The following MAGEL2 variants were observed in gnomAD, a reference collection of about 807,000 sequenced individuals.
MAGEL2 encodes the protein MAGE family member L2.
For synonymous variants in MAGEL2, 792 were observed against 721.7 expected, an observed-to-expected ratio of 1.10 and a Z score of -1.56; for missense variants, 1,830 against 1,699.2, an observed-to-expected ratio of 1.08 and a Z score of -1.35.
rs748383107 is a variant in MAGEL2 at position 23,647,118 on chromosome 15, T to G, written c.625A>C (p.Met209Leu). 4.6e-6 allele frequency: 7 copies of G among 1,530,086 alleles called. No individual in the cohort carries two copies. In the African/African-American group the frequency reaches 9.6e-5, roughly 21 times the overall value. 94.8% of individuals were successfully genotyped at this position (1,530,086 alleles called of 1,614,324 possible). The change falls in exon 1 of 1, where the codon ATG becomes CTG. Residue 209 changes from methionine to leucine, a missense_variant. Coordinates refer to ENST00000650528, the MANE Select transcript of MAGEL2 (RefSeq NM_019066.5). ...GTCCCCGGAGGTGGAGGATGAGCCA[T>G]CGGTGTCCCCGGAGGGGGAGGATGA... ...MAHPPPPGTP[M>L]AHPPPPGTPM... is the part of the protein sequence containing the mutation.
chr15:23,644,349 T>A lies in MAGEL2; in HGVS notation c.3394A>T (p.Ile1132Phe), dbSNP rs1316225981. 3 of 1,613,806 alleles carry A rather than the reference T, an allele frequency of 1.9e-6. No individual in the cohort carries two copies. In the East Asian group the frequency reaches 6.7e-5, roughly 36 times the overall value. ...MKGNCVREDL[I>F]FNFLFKLGLD... Reference sequence around the variant, plus strand: ...CCTAACTTGAACAGAAAATTAAAGATCAGATCCTCCCTGACACAGTTGCCT... The same window carrying A: ...CCTAACTTGAACAGAAAATTAAAGAACAGATCCTCCCTGACACAGTTGCCT... Residue 1132 changes from isoleucine to phenylalanine, a missense_variant, in exon 1 of 1, where the codon ATC becomes TTC. By Grantham distance (21) the Ile-to-Phe change is conservative. Coordinates refer to ENST00000650528, the MANE Select transcript of MAGEL2 (RefSeq NM_019066.5).
In MAGEL2 at chr15:23,647,619, C is replaced by G; in HGVS notation, c.124G>C (p.Val42Leu). The change falls in exon 1 of 1, where the codon GTC (valine) becomes CTC (leucine). Residue 42 changes from valine to leucine, a missense_variant. By Grantham distance (32) the Val-to-Leu change is conservative (BLOSUM62 1). Transcript: ENST00000650528. Reference sequence around the variant, plus strand: ...TCAATTGGAGGTGGATCCCAAGGGACTGGCGGAGCCCGGGAGGAAGCGGGC... The same window carrying G: ...TCAATTGGAGGTGGATCCCAAGGGAGTGGCGGAGCCCGGGAGGAAGCGGGC... ...APPASSRAPP[V>L]PWDPPPIDLQ... 1 of 1,536,944 alleles carries G rather than the reference C, an allele frequency of 6.5e-7. No individual in the cohort carries two copies. Among genetic ancestry groups the G allele is most frequent in the Non-Finnish European group, 8.7e-7 (1 of 1,146,852 alleles).
At position 23,646,009 on chromosome 15, in the gene MAGEL2, C is replaced by T. The variant is rs757134396; in HGVS notation, c.1734G>A (p.Gln578=). 14 of 1,550,776 alleles carry T rather than the reference C, an allele frequency of 9.0e-6. No individual in the cohort carries two copies. Among genetic ancestry groups the T allele is most frequent in the Non-Finnish European group, 1.2e-5 (14 of 1,147,464 alleles). ...APLSAPLSAP[Q]AVHCPSIIWQ... ...AGATGATGGAAGGGCAGTGCACAGC[C>T]TGCGGGGCAGACAGTGGGGCAGACA... The change falls in exon 1 of 1, where the codon CAG becomes CAA. Residue 578 remains glutamine (Q), a synonymous_variant. Transcript: ENST00000650528. The surrounding 1 kb of genome is among the most constrained non-coding windows in gnomAD (Gnocchi z 4.2).
Position 23,647,593 on chromosome 15 carries a change from G to A in MAGEL2, c.150C>T (p.Asp50=), listed in dbSNP as rs1446436785. ...PPVPWDPPPI[D]LQASLAAWQA... is the part of the protein sequence containing the mutation. ...GCCAAGCGGCCAATGAAGCCTGCAA[G>A]TCAATTGGAGGTGGATCCCAAGGGA... The change falls in exon 1 of 1, where the codon GAC becomes GAT. Residue 50 remains aspartate (D), a synonymous_variant. Coordinates refer to ENST00000650528, the MANE Select transcript of MAGEL2 (RefSeq NM_019066.5). 1.3e-6 allele frequency: 2 copies of A among 1,536,698 alleles called. No individual in the cohort carries two copies. The highest frequency in any genetic ancestry group is 1.7e-6 in the Non-Finnish European group (2 of 1,146,842).
In MAGEL2 at chr15:23,647,273, G is replaced by T. The variant is rs1432254645; in HGVS notation, c.470C>A (p.Thr157Asn). ...TPMSHPPPPG[T>N]PMAHPPPPGT... ...CGGAGGAGGAGGATGGGCCATTGGG[G>T]TCCCCGGAGGGGGAGGGTGGGACAT... The change falls in exon 1 of 1, where the codon ACC becomes AAC. Residue 157 changes from threonine (T) to asparagine (N), a missense_variant. Coordinates refer to ENST00000650528, the MANE Select transcript of MAGEL2 (RefSeq NM_019066.5). 1.3e-6 allele frequency: 2 copies of T among 1,534,004 alleles called. No individual in the cohort carries two copies. Among genetic ancestry groups the T allele is most frequent in the Middle Eastern group, 3.4e-4 (2 of 5,856 alleles).
chr15:23,646,271 G>A lies in MAGEL2; in HGVS notation c.1472C>T (p.Pro491Leu), dbSNP rs747533576. ...GGGCGGCGGCGCCTGGCGGATCAGCGGCGGGGCCTGGCGGATCACAGGTGG... is the reference window on the plus strand; with the variant it reads ...GGGCGGCGGCGCCTGGCGGATCAGCAGCGGGGCCTGGCGGATCACAGGTGG... ...QAPPVIRQAP[P>L]LIRQAPPPIR... Residue 491 changes from proline to leucine, a missense_variant, in exon 1 of 1, where the codon CCG (proline) becomes CTG (leucine). By Grantham distance (98) the Pro-to-Leu change is moderately conservative. Transcript: ENST00000650528. This position sits in a 1 kb window ranked among gnomAD's most constrained non-coding sequence, Gnocchi z 4.2. The A allele has an allele frequency of 5.1e-6, 7 of 1,364,462 alleles. No homozygotes were observed. The highest frequency in any genetic ancestry group is 6.1e-5 in the East Asian group (2 of 32,960). The allele number at this position is 1,364,462 out of a possible 1,614,324, so 84.5% of individuals were successfully genotyped here. A position where few individuals can be genotyped will look rare whatever the true frequency, so the allele number is the denominator to read the frequency against.
rs1038272246 is a variant in MAGEL2 at position 23,647,461 on chromosome 15, C to A, written c.282G>T (p.Pro94=). ...ALGGPIVPAP[P]LGGPMGKPPT... ...GAGGCTTACCCATCGGGCCCCCCAG[C>A]GGGGGAGCCGGGACTATCGGGCCCC... Residue 94 remains proline, a synonymous_variant, in exon 1 of 1, where the codon CCG becomes CCT. Coordinates refer to ENST00000650528, the MANE Select transcript of MAGEL2 (RefSeq NM_019066.5). 1 of 1,533,922 alleles carries A rather than the reference C, an allele frequency of 6.5e-7. No individual in the cohort carries two copies. The highest frequency in any genetic ancestry group is 1.2e-5 in the South Asian group (1 of 83,764).
Position 23,645,444 on chromosome 15 carries a change from C to G in MAGEL2, c.2299G>C (p.Ala767Pro). 1 of 1,613,944 alleles carries G rather than the reference C, an allele frequency of 6.2e-7. No individual in the cohort carries two copies. Among genetic ancestry groups the G allele is most frequent in the Non-Finnish European group, 8.5e-7 (1 of 1,179,882 alleles). Residue 767 changes from alanine to proline, a missense_variant, in exon 1 of 1, where the codon GCA becomes CCA. Coordinates refer to ENST00000650528, the MANE Select transcript of MAGEL2 (RefSeq NM_019066.5). Reference sequence around the variant, plus strand: ...TTTTTCCAGGCAGCTGGCAGGTGTGCTCGCGCAGCTGACACTGCCTTGGGA... The same window carrying G: ...TTTTTCCAGGCAGCTGGCAGGTGTGGTCGCGCAGCTGACACTGCCTTGGGA... ...CAPKAVSAAR[A>P]HLPAAWKNLP...
At position 23,647,819 on chromosome 15, in the gene MAGEL2, T is replaced by C. The variant is rs1192541688; in HGVS notation, c.-77A>G. 2.2e-6 allele frequency: 3 copies of C among 1,382,088 alleles called. No homozygotes were observed. The allele number at this position is 1,382,088 out of a possible 1,614,324, so 85.6% of individuals were successfully genotyped here. On this transcript the variant is annotated 5_prime_UTR_variant, in exon 1 of 1. Transcript: ENST00000650528. ...TTTCCTCCAGAGAGAAGAGAATGCC[T>C]ACGTGGCTGTTCAGAGGCTCCCTCC...
Position 23,644,978 on chromosome 15 carries a change from C to A in MAGEL2, c.2765G>T (p.Trp922Leu). The change falls in exon 1 of 1, where the codon TGG (tryptophan) becomes TTG (leucine). Residue 922 changes from tryptophan (W) to leucine (L), a missense_variant. Physicochemically the swap from Trp to Leu is moderately conservative, Grantham distance 61 (BLOSUM62 -2). Transcript: ENST00000650528. ...GACCTGGATAGGGCTTTGGACCTCC[C>A]AGTCACTCAGATTTAGATTCTCCCA... ...RPWENLNLSD[W>L]EVQSPIQVSG... is the part of the protein sequence containing the mutation. 1 of 1,613,890 alleles carries A rather than the reference C, an allele frequency of 6.2e-7. No homozygotes were observed. The highest frequency in any genetic ancestry group is 8.5e-7 in the Non-Finnish European group (1 of 1,179,896).
Position 23,644,592 on chromosome 15 carries a change from G to T in MAGEL2, c.3151C>A (p.Leu1051Ile), listed in dbSNP as rs2233070. 0.024 allele frequency: 38,563 copies of T among 1,613,880 alleles called. 761 individuals are homozygous for T. The highest frequency in any genetic ancestry group is 0.063 in the African/African-American group (4,754 of 75,000). The change falls in exon 1 of 1, where the codon CTC becomes ATC. Residue 1051 changes from leucine to isoleucine, a missense_variant. Physicochemically the swap from Leu to Ile is conservative, Grantham distance 5. Coordinates refer to ENST00000650528, the MANE Select transcript of MAGEL2 (RefSeq NM_019066.5). ...AAGCACTCATCTTTATACTCTCGGA[G>T]GATGACTTTCACCATCTCCGAGCGC... ...VQRSEMVKVI[L>I]REYKDECLDI...
chr15:23,646,452 G>GGAT lies in MAGEL2; in HGVS notation c.1290_1291insATC (p.Val430_Arg431insIle). The GGAT allele has an allele frequency of 3.5e-6, 5 of 1,425,338 alleles. No homozygotes were observed. The highest frequency in any genetic ancestry group is 4.6e-6 in the Non-Finnish European group (5 of 1,098,114). The allele number at this position is 1,425,338 out of a possible 1,614,324, so 88.3% of individuals were successfully genotyped here. On this transcript the variant is annotated inframe_insertion, in exon 1 of 1. Transcript: ENST00000650528. This position sits in a 1 kb window ranked among gnomAD's most constrained non-coding sequence, Gnocchi z 4.2. ...TGGCGGATCAGCGGTGGGGCCTGTC[G>GGAT]CACCGGTGGTGGGCCAGGGCGGATG...
Position 23,647,662 on chromosome 15 carries a change from C to T in MAGEL2, c.81G>A (p.Thr27=), listed in dbSNP as rs1055791590. 18 of 1,531,308 alleles carry T rather than the reference C, an allele frequency of 1.2e-5. No homozygotes were observed. Among genetic ancestry groups the T allele is most frequent in the South Asian group, 3.6e-5 (3 of 83,174 alleles). 94.9% of individuals were successfully genotyped at this position (1,531,308 alleles called of 1,614,324 possible). ...AAGCGGGCGGGGCCCGCATCAGAAC[C>T]GTAGGGCGGCTATAGACAGGCGGCT... is the stretch of plus-strand genomic sequence containing the variant. The part of the protein sequence containing the change: ...APKPPVYSRP[T]VLMRAPPASS... The change falls in exon 1 of 1, where the codon ACG becomes ACA. Residue 27 remains threonine, a synonymous_variant. Transcript: ENST00000650528.
In MAGEL2 at chr15:23,645,976, G is replaced by A. The variant is rs1890392381; in HGVS notation, c.1767C>T (p.Ala589=). ...GTGGCACCGGGGGCTGACCTTTGGG[G>A]GCCTGCCAGATGATGGAAGGGCAGT... ...AVHCPSIIWQ[A]PKGQPPVPHE... The change falls in exon 1 of 1, where the codon GCC becomes GCT. Residue 589 remains alanine (A), a synonymous_variant. Coordinates refer to ENST00000650528, the MANE Select transcript of MAGEL2 (RefSeq NM_019066.5). The A allele has an allele frequency of 1.3e-6, 2 of 1,560,206 alleles. No individual in the cohort carries two copies. Among genetic ancestry groups the A allele is most frequent in the East Asian group, 2.4e-5 (1 of 41,882 alleles).
At position 23,646,812 on chromosome 15, in the gene MAGEL2, G is replaced by C; in HGVS notation, c.931C>G (p.Pro311Ala). The change falls in exon 1 of 1, where the codon CCG becomes GCG. Residue 311 changes from proline to alanine, a missense_variant. Transcript: ENST00000650528. This position sits in a 1 kb window ranked among gnomAD's most constrained non-coding sequence, Gnocchi z 4.2. ...ATCGGCTGTGCAGGTGGGGCCGCCG[G>C]CTGTGCCATCGGTGCTCCTGAAGCT... ...PPASGAPMAQ[P>A]AAPPAQPMAP... 1 of 1,536,172 alleles carries C rather than the reference G, an allele frequency of 6.5e-7. No individual in the cohort carries two copies. Among genetic ancestry groups the C allele is most frequent in the Non-Finnish European group, 8.7e-7 (1 of 1,146,850 alleles).
Position 23,645,004 on chromosome 15 carries a change from G to T in MAGEL2, c.2739C>A (p.Pro913=). 1 of 1,613,882 alleles carries T rather than the reference G, an allele frequency of 6.2e-7. No individual in the cohort carries two copies. Among genetic ancestry groups the T allele is most frequent in the Non-Finnish European group, 8.5e-7 (1 of 1,179,882 alleles). Residue 913 remains proline (P), a synonymous_variant, in exon 1 of 1, where the codon CCC becomes CCA. Coordinates refer to ENST00000650528, the MANE Select transcript of MAGEL2 (RefSeq NM_019066.5). ...AGTCACTCAGATTTAGATTCTCCCA[G>T]GGCCTTGGGCCCTGCCAGTCATGAA... ...LAFHDWQGPR[P]WENLNLSDWE... is the part of the protein sequence containing the mutation.
chr15:23,647,099 G>C lies in MAGEL2; in HGVS notation c.644C>G (p.Pro215Arg). The C allele has an allele frequency of 6.5e-7, 1 of 1,532,946 alleles. No individual in the cohort carries two copies. 95.0% of individuals were successfully genotyped at this position (1,532,946 alleles called of 1,614,324 possible). A position where few individuals can be genotyped will look rare whatever the true frequency, so the allele number is the denominator to read the frequency against. The change falls in exon 1 of 1, where the codon CCG becomes CGG. Residue 215 changes from proline (P) to arginine (R), a missense_variant. Pro to Arg is a moderately radical substitution (Grantham distance 103, BLOSUM62 -2). Transcript: ENST00000650528. Reference sequence around the variant, plus strand: ...GGGAGGATGAGCCATCGGTGTCCCCGGAGGTGGAGGATGAGCCATCGGTGT... The same window carrying C: ...GGGAGGATGAGCCATCGGTGTCCCCCGAGGTGGAGGATGAGCCATCGGTGT... ...PGTPMAHPPP[P>R]GTPMAHPPPP...
In MAGEL2 at chr15:23,645,650, C is replaced by A; in HGVS notation, c.2093G>T (p.Gly698Val). 1 of 1,578,320 alleles carries A rather than the reference C, an allele frequency of 6.3e-7. No homozygotes were observed. The highest frequency in any genetic ancestry group is 8.6e-7 in the Non-Finnish European group (1 of 1,164,084). Residue 698 changes from glycine to valine, a missense_variant, in exon 1 of 1, where the codon GGA becomes GTA. Physicochemically the swap from Gly to Val is moderately radical, Grantham distance 109 (BLOSUM62 -3). Transcript: ENST00000650528. ...AAAATTTGCCGCTGCTACCGGGGGT[C>A]CGGGCTGGGCCTGCAAGACTGCAGG... ...APPAVLQAQP[G>V]PPVAAANFPL...
chr15:23,646,724 A>T lies in MAGEL2; in HGVS notation c.1019T>A (p.Ile340Asn). 6.5e-7 allele frequency: 1 copy of T among 1,532,658 alleles called. No individual in the cohort carries two copies. Among genetic ancestry groups the T allele is most frequent in the Non-Finnish European group, 8.7e-7 (1 of 1,145,004 alleles). 94.9% of individuals were successfully genotyped at this position (1,532,658 alleles called of 1,614,324 possible). Residue 340 changes from isoleucine (I) to asparagine (N), a missense_variant, in exon 1 of 1, where the codon ATC becomes AAC. By Grantham distance (149) the Ile-to-Asn change is moderately radical. Coordinates refer to ENST00000650528, the MANE Select transcript of MAGEL2 (RefSeq NM_019066.5). The surrounding 1 kb of genome is among the most constrained non-coding windows in gnomAD (Gnocchi z 4.2). ...AGGAGCCCTTATAACTTGAGACTGG[A>T]TTTGCAGGATCAGAGGCTGAGCCTG... Reference protein sequence around the residue: ...APQAQPLILQIQSQVIRAPPQ... With the variant: ...APQAQPLILQNQSQVIRAPPQ...
Sources: allele counts gnomAD v4.1 joint callset, GRCh38; gene constraint gnomAD v4.1.1; non-coding constraint Gnocchi (gnomAD v3.1); transcripts MANE v1.5; gene names NCBI Gene and HGNC (gene_info 2026-07-23, HGNC 2026-07-21).